The following CEP44 variants were observed in gnomAD, a reference collection of about 807,000 sequenced individuals.
CEP44 encodes the protein centrosomal protein of 44 kDa.
A neutral mutation model predicts 46.7 loss-of-function variants in CEP44; 45 were observed. That is an observed-to-expected ratio of 0.96 (90% confidence interval 0.76 to 1.24). The LOEUF is 1.24. CEP44 is among the 50% of genes most tolerant of loss of function. CEP44 has a pLI of 0.00. For missense variants in CEP44, 475 were observed against 459.7 expected (o/e 1.03, Z -0.30); for synonymous variants, 142 against 146.0 (o/e 0.97, Z 0.20).
chr4:174,321,072 C>T (rs1391165051), downstream of CEP44, among the ~76,000 whole-genome samples: 1 of 151,984 alleles, frequency 6.6e-6, no homozygotes, highest in African/African-American at 2.4e-5. Flanking sequence ...TGTTATCTTG[C>T]CTAATTGGTT....
rs1737579335 is a variant in CEP44, at chr4:174,286,294, A to AT, written c.-148+2354dup. ...ATCGGTGACCTTCTTACCTTTCCTT[A>AT]TTTAAAGATAGAGAAACGGTGTGTA... On this transcript the variant is annotated intron_variant, in intron 1 of 11. Transcript: ENST00000503780. This position sits in a 1 kb window ranked among gnomAD's most constrained non-coding sequence, Gnocchi z 5.2. 6.6e-6 allele frequency among the ~76,000 whole-genome samples: 1 copy of AT among 152,184 alleles called. No homozygotes were observed. Among genetic ancestry groups the AT allele is most frequent in the African/African-American group, 2.4e-5 (1 of 41,462 alleles).
rs748627967 is a variant in CEP44 at position 174,329,665 on chromosome 4, A to C, written c.1087-1817A>C. Among the ~76,000 whole-genome samples, 1 of 152,142 alleles carries C rather than the reference A, an allele frequency of 6.6e-6. No homozygotes were observed. On this transcript the variant is annotated intron_variant, in intron 8 of 8. Transcript: ENST00000426172. The surrounding 1 kb of genome is among the most constrained non-coding windows in gnomAD (Gnocchi z 4.0). ...GGGAAAAGTTCAAAAGGTACTTCAT[A>C]ACTTTTTTTTTTAGGTTTAGAGAAA...
chr4:174,325,547 C>T lies in CEP44; in HGVS notation c.1087-5935C>T, dbSNP rs1742607555. ...GTATGCACCTGTAGTCCTAGCTACT[C>T]GAGAGGCTGAGGTGGGAAGATAACT... On this transcript the variant is annotated intron_variant, in intron 8 of 8. Transcript: ENST00000426172. The surrounding 1 kb of genome is among the most constrained non-coding windows in gnomAD (Gnocchi z 4.4). Among the ~76,000 whole-genome samples the T allele has an allele frequency of 6.6e-6, 1 of 151,738 alleles. No homozygotes were observed. Among genetic ancestry groups the T allele is most frequent in the Non-Finnish European group, 1.5e-5 (1 of 67,944 alleles).
rs1054199996 is a variant in CEP44, at chr4:174,319,183, A to G, written c.*1800A>G. On this transcript the variant is annotated 3_prime_UTR_variant, in exon 12 of 12. Transcript: ENST00000503780. ...AGCCTACAGAAACATACAATTTTGAATTTAACAGAGTTTCAGTAAATATTT... is the reference window on the plus strand; with the variant it reads ...AGCCTACAGAAACATACAATTTTGAGTTTAACAGAGTTTCAGTAAATATTT... The G allele has an allele frequency of 4.1e-6, 4 of 980,532 alleles. No individual in the cohort carries two copies. The African/African-American group carries it at 7.0e-5, about 17-fold the overall frequency. The allele number at this position is 980,532 out of a possible 1,614,324, so 60.7% of individuals were successfully genotyped here. A position where few individuals can be genotyped will look rare whatever the true frequency, so the allele number is the denominator to read the frequency against.
At chr4:174,295,752 G>A (rs530548886) in intron 1 of CEP44, among the ~76,000 whole-genome samples, 1 of 152,252 alleles carries the variant, frequency 6.6e-6, no homozygotes, top group Non-Finnish European at 1.5e-5. Context: ...TCGGGAGGCC[G>A]AGGCTCCATA....
Position 174,316,173 on chromosome 4 carries a change from A to G in CEP44, c.969A>G (p.Lys323=). 1 of 1,611,468 alleles carries G rather than the reference A, an allele frequency of 6.2e-7. No homozygotes were observed. Among genetic ancestry groups the G allele is most frequent in the Non-Finnish European group, 8.5e-7 (1 of 1,179,400 alleles). ...SDMDLLNPHR[K]SEVERPASIP... ...AACTTAATTTCTTCACAGACAGAAA[A>G]AGCGAAGTAGAGAGGCCAGCAAGTA... Residue 323 remains lysine (K), a synonymous_variant, in exon 10 of 12, where the codon AAA becomes AAG. Coordinates refer to ENST00000503780, the MANE Select transcript of CEP44 (RefSeq NM_001040157.3).
Position 174,331,789 on chromosome 4 carries a change from C to A in CEP44, c.*194C>A, listed in dbSNP as rs1731331007. 2 of 637,722 alleles carry A rather than the reference C, an allele frequency of 3.1e-6. No individual in the cohort carries two copies. Among genetic ancestry groups the A allele is most frequent in the Non-Finnish European group, 4.7e-6 (2 of 427,514 alleles). The allele number at this position is 637,722 out of a possible 1,614,324, so 39.5% of individuals were successfully genotyped here. ...TAACACTTAGTTGTTTGTCTAATTT[C>A]TATTTTCCAGAAATTTCTCAAAATG... On this transcript the variant is annotated 3_prime_UTR_variant, in exon 9 of 9. Transcript: ENST00000426172. The surrounding 1 kb of genome is among the most constrained non-coding windows in gnomAD (Gnocchi z 4.5).
In CEP44 at chr4:174,310,077, T is replaced by G. The variant is rs777280933; in HGVS notation, c.885+21T>G. ...AAAAGGTATTTTCCTCCTTTAACAT[T>G]TATAAAATATCTCAGATATAACAAA... On this transcript the variant is annotated intron_variant, in intron 8 of 11. Coordinates refer to ENST00000503780, the MANE Select transcript of CEP44 (RefSeq NM_001040157.3). This position sits in a 1 kb window ranked among gnomAD's most constrained non-coding sequence, Gnocchi z 4.2. 6 of 1,593,624 alleles carry G rather than the reference T, an allele frequency of 3.8e-6. No individual in the cohort carries two copies. Among genetic ancestry groups the G allele is most frequent in the Non-Finnish European group, 4.3e-6 (5 of 1,171,436 alleles).
At chr4:174,320,414 C>G, downstream of CEP44, 1 of 655,958 alleles carries the variant, frequency 1.5e-6, no homozygotes, top group Non-Finnish European at 1.8e-6. Flanking sequence ...ATAACCTTCT[C>G]AATTTTATAA....
At position 174,303,702 on chromosome 4, in the gene CEP44, GCTT is replaced by G; in HGVS notation, c.242_244del (p.Leu81del). 6.6e-7 allele frequency: 1 copy of G among 1,518,776 alleles called. No homozygotes were observed. Among genetic ancestry groups the G allele is most frequent in the Non-Finnish European group, 9.0e-7 (1 of 1,113,372 alleles). 94.1% of individuals were successfully genotyped at this position (1,518,776 alleles called of 1,614,324 possible). The stretch of plus-strand genomic sequence containing the variant: ...ATTACAAGAGTCTGTTTCCTCTGCA[GCTT>G]CTTCGTGATCAATTTAATTATAAAC... On this transcript the variant is annotated inframe_deletion and splice_region_variant, in exon 5 of 12. Transcript: ENST00000503780.
At chr4:174,313,182 T>C (rs1741282639) in intron 9 of CEP44, among the ~76,000 whole-genome samples, 1 of 152,100 alleles carries the variant, frequency 6.6e-6, no homozygotes, top group Non-Finnish European at 1.5e-5. Flanking sequence ...TGTTCGGACA[T>C]GAATGGTGGT....
chr4:174,322,418 T>C (rs1742381633), downstream of CEP44, among the ~76,000 whole-genome samples: 6 of 152,090 alleles, frequency 3.9e-5, no homozygotes, highest in Admixed American at 3.9e-4. Flanking sequence ...TCATAGGGGC[T>C]TCAGATTAAA....
intron 8 of CEP44, among the ~76,000 whole-genome samples, chr4:174,330,149 TTTC>T (rs1731241452): frequency 6.6e-6 from 1 of 152,136 alleles, no homozygotes; most frequent in Non-Finnish European, 1.5e-5. Context: ...CGTATCTTAT[TTTC>T]TTATTTTTTC....
At chr4:174,284,128 T>C (rs962644040) in intron 1 of CEP44, 185 bp downstream of exon 1, 1 of 399,080 alleles carries the variant, frequency 2.5e-6, no homozygotes, top group Non-Finnish European at 4.4e-6. Flanking sequence ...GCTTCTTTGC[T>C]GGTGGCTGCT....
Position 174,310,492 on chromosome 4 carries a change from T to C in CEP44, c.886-291T>C, listed in dbSNP as rs1008351583. On this transcript the variant is annotated intron_variant, in intron 8 of 11. Transcript: ENST00000503780. This position sits in a 1 kb window ranked among gnomAD's most constrained non-coding sequence, Gnocchi z 4.2. ...GAATTTCATAGAATAGTTACCAGAT[T>C]TACCATTGCCTTATCAAATCTGAGA... Among the ~76,000 whole-genome samples, 3 of 151,968 alleles carry C rather than the reference T, an allele frequency of 2.0e-5. No homozygotes were observed. Among genetic ancestry groups the C allele is most frequent in the African/African-American group, 7.2e-5 (3 of 41,418 alleles).
rs1305910604 is a variant in CEP44, at chr4:174,314,214, TGTCAGGGTCC to T, written c.962-1951_962-1942del. Among the ~76,000 whole-genome samples, 10 of 152,304 alleles carry T rather than the reference TGTCAGGGTCC, an allele frequency of 6.6e-5. No individual in the cohort carries two copies. The South Asian group carries it at 1.7e-3, about 25-fold the overall frequency. ...CACTACTGAAGTACATAACAACTGG[TGTCAGGGTCC>T]TTGTGTCAGTGGCCATTGCCTTTCC... is the stretch of plus-strand genomic sequence containing the variant. On this transcript the variant is annotated intron_variant, in intron 9 of 11. Coordinates refer to ENST00000503780, the MANE Select transcript of CEP44 (RefSeq NM_001040157.3). This position sits in a 1 kb window ranked among gnomAD's most constrained non-coding sequence, Gnocchi z 4.1.
rs1222988137 is a variant in CEP44 at position 174,287,933 on chromosome 4, G to A, written c.-148+3990G>A. 6.6e-6 allele frequency among the ~76,000 whole-genome samples: 1 copy of A among 152,180 alleles called. No homozygotes were observed. The highest frequency in any genetic ancestry group is 1.5e-5 in the Non-Finnish European group (1 of 68,028). On this transcript the variant is annotated intron_variant, in intron 1 of 11. Transcript: ENST00000503780. The surrounding 1 kb of genome is among the most constrained non-coding windows in gnomAD (Gnocchi z 5.1). ...CTTCTTGCATCTGCTAACTGAACGA[G>A]AAAATTCTGTGTGTGAGAATGGAAA... is the stretch of plus-strand genomic sequence containing the variant.
chr4:174,295,675 C>T lies in CEP44; in HGVS notation c.-147-2291C>T, dbSNP rs552450167. 4.6e-5 allele frequency among the ~76,000 whole-genome samples: 7 copies of T among 152,272 alleles called. No homozygotes were observed. In the South Asian group the frequency reaches 1.2e-3, roughly 27 times the overall value. On this transcript the variant is annotated intron_variant, in intron 1 of 11. Coordinates refer to ENST00000503780, the MANE Select transcript of CEP44 (RefSeq NM_001040157.3). ...AGGTTGTAGCGAGCCGAGATCACGCCACTGCACTCCAGCCTGGGCACCATT... is the reference window on the plus strand; with the variant it reads ...AGGTTGTAGCGAGCCGAGATCACGCTACTGCACTCCAGCCTGGGCACCATT...
At chr4:174,315,948 T>A (rs1441764427) in intron 9 of CEP44, among the ~76,000 whole-genome samples, 1 of 152,126 alleles carries the variant, frequency 6.6e-6, no homozygotes, top group African/African-American at 2.4e-5. Flanking sequence ...GCTATCATGA[T>A]AATAATACTG....
Sources: allele counts gnomAD v4.1 joint callset (sites outside exome capture counted in the v4.1 genomes callset), GRCh38; gene constraint gnomAD v4.1.1; non-coding constraint Gnocchi (gnomAD v3.1); transcripts MANE v1.5; gene names NCBI Gene and HGNC (gene_info 2026-07-23, HGNC 2026-07-21).